The following CDH18 variants were observed in gnomAD, a reference collection of about 807,000 sequenced individuals.
CDH18 encodes cadherin-18.
A neutral mutation model predicts 67.9 loss-of-function variants in CDH18; 31 were observed. The ratio of observed to expected loss-of-function variants is 0.46; its 90% CI spans 0.34 to 0.62. CDH18 has a LOEUF of 0.62. CDH18 is among the 20% of genes least tolerant of loss of function. The pLI is 0.01. For missense variants in CDH18, 890 were observed against 975.5 expected, an observed-to-expected ratio of 0.91 and a Z score of 1.17; for synonymous variants, 362 against 347.2, an observed-to-expected ratio of 1.04 and a Z score of -0.48.
intron 2 of CDH18, among the ~76,000 whole-genome samples, chr5:19,921,778 T>C (rs939320595): frequency 1.3e-5 from 2 of 152,090 alleles, no homozygotes; most frequent in East Asian, 3.9e-4. Context: ...CTTGATAAAT[T>C]AGTAAAGATA....
chr5:20,244,938 G>A (rs924125967), intron 2 of CDH18, among the ~76,000 whole-genome samples: 8 of 152,070 alleles, frequency 5.3e-5, no homozygotes, highest in Non-Finnish European at 8.8e-5. Flanking sequence ...CAGATTTAAT[G>A]TCTGAGTTTA....
intron 2 of CDH18, among the ~76,000 whole-genome samples, chr5:20,042,067 A>G (rs1052794364): frequency 6.6e-6 from 1 of 152,252 alleles, no homozygotes; most frequent in Non-Finnish European, 1.5e-5. Flanking sequence ...GAGTTGTGTC[A>G]GCCAGAGTTC....
At chr5:19,942,189 G>T (rs1258018410) in intron 2 of CDH18, among the ~76,000 whole-genome samples, 1 of 152,116 alleles carries the variant, frequency 6.6e-6, no homozygotes, top group Non-Finnish European at 1.5e-5. Context: ...AACTAGTATT[G>T]AAATATCAGG....
intron 5 of CDH18, among the ~76,000 whole-genome samples, chr5:19,709,004 T>TATCAAAAAATAAA (rs70950088): frequency 0.35 from 51,864 of 148,762 alleles, 10,397 homozygotes; most frequent in Middle Eastern, 0.46. Context: ...CTAGACTCTG[T>TATCAAAAAATAAA]TAAATAAATA....
intron 9 of CDH18, among the ~76,000 whole-genome samples, chr5:19,532,867 G>A (rs941646665): frequency 6.6e-6 from 1 of 152,154 alleles, no homozygotes; most frequent in African/African-American, 2.4e-5. Context: ...TGGTTTATAT[G>A]AGCAATCTGG....
intron 1 of CDH18, among the ~76,000 whole-genome samples, chr5:20,375,540 CTTTA>C (rs1743343933): frequency 6.6e-6 from 1 of 152,164 alleles, no homozygotes; most frequent in Non-Finnish European, 1.5e-5. Flanking sequence ...TTCCCCAGTG[CTTTA>C]ATCTACATAT....
intron 1 of CDH18, among the ~76,000 whole-genome samples, chr5:20,467,373 A>G (rs1356534245): frequency 6.6e-6 from 1 of 152,088 alleles, no homozygotes; most frequent in Non-Finnish European, 1.5e-5. Context: ...TGCTTCCTTC[A>G]CTTAGATTTT....
intron 1 of CDH18, among the ~76,000 whole-genome samples, chr5:20,257,065 T>C (rs1744306384): frequency 6.6e-6 from 1 of 151,966 alleles, no homozygotes; most frequent in Non-Finnish European, 1.5e-5. Context: ...TTAGAACACA[T>C]AGTACTCATA....
chr5:19,769,219 C>G (rs1241571200), intron 3 of CDH18, among the ~76,000 whole-genome samples: 1 of 152,030 alleles, frequency 6.6e-6, no homozygotes, highest in Admixed American at 6.6e-5. Flanking sequence ...CAATGAACCT[C>G]AAGTAGCATA....
intron 1 of CDH18, among the ~76,000 whole-genome samples, chr5:20,395,982 CT>C (rs2150122531): frequency 6.6e-6 from 1 of 152,274 alleles, no homozygotes; most frequent in Admixed American, 6.5e-5. Context: ...TCTCTTTCAT[CT>C]TGGCGTTCAC....
At chr5:20,357,919 G>GA (rs978870632) in intron 1 of CDH18, among the ~76,000 whole-genome samples, 2 of 151,490 alleles carry the variant, frequency 1.3e-5, no homozygotes, top group African/African-American at 4.9e-5. Context: ...CAGTGTGCAG[G>GA]ATTAAAAAAA....
At chr5:20,043,234 A>T (rs1740606424) in intron 2 of CDH18, among the ~76,000 whole-genome samples, 1 of 152,044 alleles carries the variant, frequency 6.6e-6, no homozygotes, top group Non-Finnish European at 1.5e-5. Flanking sequence ...TTCTGGCTGG[A>T]AACCATTGAT....
At chr5:20,426,564 C>A (rs1156869788) in intron 1 of CDH18, among the ~76,000 whole-genome samples, 1 of 151,106 alleles carries the variant, frequency 6.6e-6, no homozygotes, top group African/African-American at 2.5e-5. Flanking sequence ...TAATCACACA[C>A]ATACATATAT....
chr5:20,397,124 G>GT (rs879367239), intron 1 of CDH18, among the ~76,000 whole-genome samples: 5 of 151,984 alleles, frequency 3.3e-5, no homozygotes, highest in Non-Finnish European at 7.4e-5. Context: ...TTTTGTTTTT[G>GT]TTTTTTGTGG....
intron 5 of CDH18, among the ~76,000 whole-genome samples, chr5:19,627,419 G>T (rs1751712277): frequency 6.6e-6 from 1 of 152,154 alleles, no homozygotes. Context: ...AATGAACTGA[G>T]CAACTTCTTT....
At chr5:19,783,365 C>G (rs1278558637) in intron 3 of CDH18, among the ~76,000 whole-genome samples, 1 of 152,090 alleles carries the variant, frequency 6.6e-6, no homozygotes, top group African/African-American at 2.4e-5. Flanking sequence ...ATGGATCAAA[C>G]AGAATAAAAT....
At chr5:19,637,296 T>C (rs1004269255) in intron 5 of CDH18, among the ~76,000 whole-genome samples, 9 of 152,100 alleles carry the variant, frequency 5.9e-5, no homozygotes, top group Admixed American at 2.6e-4. Flanking sequence ...ATTGAAGTAA[T>C]TAATATATGC....
chr5:20,032,412 T>C (rs1175203880), intron 2 of CDH18, among the ~76,000 whole-genome samples: 5 of 151,852 alleles, frequency 3.3e-5, no homozygotes, highest in African/African-American at 1.2e-4. Flanking sequence ...AAAGAAAAAA[T>C]AGAACATTCT....
At chr5:20,374,720 T>C (rs77983640) in intron 1 of CDH18, among the ~76,000 whole-genome samples, 1 of 152,134 alleles carries the variant, frequency 6.6e-6, no homozygotes, top group Non-Finnish European at 1.5e-5. Context: ...GAATTTAACT[T>C]TGAATGTTCT....
Sources: gnomAD v4.1 joint callset for allele counts (sites outside exome capture counted in the v4.1 genomes callset) on GRCh38, gnomAD v4.1.1 for gene constraint, MANE v1.5 for transcripts, NCBI Gene and HGNC (gene_info 2026-07-23, HGNC 2026-07-21) for gene names.